The following SP140 variants were observed in gnomAD, a reference collection of about 807,000 sequenced individuals.
SP140 encodes the protein nuclear body protein SP140.
In SP140, 81 loss-of-function variants were observed where a neutral mutation model predicts 125.0. The ratio of observed to expected loss-of-function variants is 0.65; its 90% CI spans 0.54 to 0.78. The LOEUF (loss-of-function observed/expected upper bound fraction) is 0.78. SP140 is among the 30% of genes least tolerant of loss of function. SP140 has a pLI of 0.00. For synonymous variants in SP140, 312 were observed against 354.0 expected, an observed-to-expected ratio of 0.88 and a Z score of 1.33; for missense variants, 858 against 1,037.0, an observed-to-expected ratio of 0.83 and a Z score of 2.37.
At position 230,249,098 on chromosome 2, in the gene SP140, G is replaced by C. The variant is rs1195418574; in HGVS notation, c.976+130G>C. On this transcript the variant is annotated intron_variant, in intron 9 of 26. Transcript: ENST00000392045. The stretch of plus-strand genomic sequence containing the variant: ...TTCGCATACATACAGATGGAATTAT[G>C]TCAATTTTCTGTTGTGCCTTTTTGA... 5 of 663,306 alleles carry C rather than the reference G, an allele frequency of 7.5e-6. No individual in the cohort carries two copies. The East Asian group carries it at 1.4e-4, about 19-fold the overall frequency. The allele number at this position is 663,306 out of a possible 1,614,324, so 41.1% of individuals were successfully genotyped here.
chr2:230,261,933 TC>T (rs1255052144), intron 12 of SP140, among the ~76,000 whole-genome samples: 1 of 152,188 alleles, frequency 6.6e-6, no homozygotes, highest in Non-Finnish European at 1.5e-5. Context: ...CTATGTCCTT[TC>T]CTGGTGTTGG....
exon 3 of SP140, chr2:230,213,999 G>A (rs1184422800): frequency 6.6e-6 from 1 of 152,236 alleles, no homozygotes; most frequent in African/African-American, 2.4e-5. Flanking sequence ...GAGCAAAGGA[G>A]GAACTGTCAA....
At chr2:230,238,980 T>A in intron 3 of SP140, 2 of 1,500,610 alleles carry the variant, frequency 1.3e-6, no homozygotes, top group Non-Finnish European at 1.8e-6. Flanking sequence ...GAGAAAGAAG[T>A]TGAAGTGGAT....
intron 15 of SP140, among the ~76,000 whole-genome samples, chr2:230,278,882 T>C (rs1359556303): frequency 6.6e-6 from 1 of 152,032 alleles, no homozygotes; most frequent in Admixed American, 6.6e-5. Context: ...GGCATCCAAA[T>C]TGGAAAGAAG....
At chr2:230,283,771 G>A (rs192056965) in intron 15 of SP140, among the ~76,000 whole-genome samples, 27 of 152,306 alleles carry the variant, frequency 1.8e-4, no homozygotes, top group African/African-American at 6.0e-4. Flanking sequence ...TGAGGACACT[G>A]ATGAGTTTCT....
At chr2:230,202,475 C>T, upstream of SP140, 11 of 1,059,514 alleles carry the variant, frequency 1.0e-5, no homozygotes, top group Admixed American at 1.0e-4. Context: ...TGTACTTTTT[C>T]CTTTTACTAT....
chr2:230,278,841 C>G (rs946502342), intron 15 of SP140, among the ~76,000 whole-genome samples: 2 of 151,896 alleles, frequency 1.3e-5, no homozygotes, highest in Non-Finnish European at 2.9e-5. Context: ...TGATGTAAGT[C>G]CTAGTCAGAG....
At chr2:230,262,241 G>A (rs1206690520) in intron 12 of SP140, among the ~76,000 whole-genome samples, 1 of 152,040 alleles carries the variant, frequency 6.6e-6, no homozygotes, top group African/African-American at 2.4e-5. Context: ...TGTACATAAA[G>A]GTATTCATAG....
intron 1 of SP140, chr2:230,234,841 G>T (rs952586425): frequency 6.6e-6 from 1 of 152,016 alleles, no homozygotes; most frequent in Non-Finnish European, 1.5e-5. Context: ...AATATTTGTT[G>T]TTTAGAAATT....
chr2:230,259,515 TAAA>T (rs71049699), intron 12 of SP140, among the ~76,000 whole-genome samples: 1 of 142,538 alleles, frequency 7.0e-6, no homozygotes. Context: ...CCGCCTCCGC[TAAA>T]AAAAAAAAAA....
intron 17 of SP140, among the ~76,000 whole-genome samples, chr2:230,287,074 C>A (rs2056475676): frequency 6.6e-6 from 1 of 152,160 alleles, no homozygotes; most frequent in Admixed American, 6.5e-5. Flanking sequence ...TTGAGATGCC[C>A]ATTCACAGCC....
At position 230,238,226 on chromosome 2, in the gene SP140, C is replaced by G; in HGVS notation, c.251C>G (p.Ala84Gly). Residue 84 changes from alanine (A) to glycine (G), a missense_variant, in exon 3 of 27, where the codon GCT (alanine) becomes GGT (glycine). This residue lies in a region of SP140 where 791 missense variants were observed against 869.5 expected (regional missense o/e 0.91). Coordinates refer to ENST00000392045, the MANE Select transcript of SP140 (RefSeq NM_007237.5). ...AATATTTTTAAGCATTTTCAAGAAG[C>G]TTTTAGAAACCTGGTCCCAGTGACA... ...SEQMYEHFQE[A>G]FRNLVPVTRV... The G allele has an allele frequency of 2.5e-6, 4 of 1,591,102 alleles. No individual in the cohort carries two copies. The highest frequency in any genetic ancestry group is 3.4e-6 in the Non-Finnish European group (4 of 1,171,442).
At chr2:230,250,491 C>T (rs79577315) in intron 9 of SP140, among the ~76,000 whole-genome samples, 14,266 of 152,168 alleles carry the variant, frequency 0.094, 878 homozygotes, top group Non-Finnish European at 0.12. Context: ...TCTCCTGATC[C>T]CTTTCCTTAT....
chr2:230,216,730 A>G, intron 3 of SP140: 1 of 1,606,526 alleles, frequency 6.2e-7, no homozygotes, highest in Non-Finnish European at 8.5e-7. Context: ...TTTAATAATC[A>G]GGCATATTGG....
intron 1 of SP140, among the ~76,000 whole-genome samples, chr2:230,236,096 C>T (rs921505407): frequency 5.3e-5 from 8 of 152,004 alleles, no homozygotes; most frequent in African/African-American, 7.3e-5. Context: ...AGGATGGTCT[C>T]GATCTCCTGA....
intron 10 of SP140, among the ~76,000 whole-genome samples, chr2:230,252,829 G>A (rs2050573915): frequency 2.0e-5 from 3 of 151,654 alleles, no homozygotes; most frequent in Non-Finnish European, 4.4e-5. Flanking sequence ...GGGGTTCAGG[G>A]CCGGGTCACA....
intron 6 of SP140, among the ~76,000 whole-genome samples, chr2:230,245,500 A>G (rs1037996131): frequency 1.3e-5 from 2 of 152,220 alleles, no homozygotes; most frequent in African/African-American, 2.4e-5. Flanking sequence ...AGAAGAATGA[A>G]TAGGGATATA....
At chr2:230,190,308 T>G in the SP140 span, among the ~76,000 whole-genome samples, 2 of 151,914 alleles carry the variant, frequency 1.3e-5, no homozygotes, top group African/African-American at 2.4e-5. Context: ...TGATCAGTGA[T>G]GTTGAGCGTT....
At chr2:230,248,332 G>T (rs2049808719) in intron 8 of SP140, among the ~76,000 whole-genome samples, 1 of 152,188 alleles carries the variant, frequency 6.6e-6, no homozygotes, top group Admixed American at 6.5e-5. Context: ...CCAGTGTCCT[G>T]GATGTGTCAC....
Sources: gnomAD v4.1 joint callset for allele counts (sites outside exome capture counted in the v4.1 genomes callset) on GRCh38, gnomAD v4.1.1 for gene constraint, gnomAD v4.1.1 regional missense constraint, MANE v1.5 for transcripts, NCBI Gene and HGNC (gene_info 2026-07-23, HGNC 2026-07-21) for gene names.